Variants in TCERG1L observed in about 807,000 individuals in gnomAD.
TCERG1L encodes transcription elongation regulator 1-like protein.
Under a neutral mutation model 56.3 loss-of-function variants are expected in TCERG1L, and 37 were observed. The ratio of observed to expected loss-of-function variants is 0.66; its 90% CI spans 0.51 to 0.87. The LOEUF (loss-of-function observed/expected upper bound fraction) is 0.87. TCERG1L is among the 40% of genes least tolerant of loss of function. TCERG1L has a pLI of 0.00. For synonymous variants in TCERG1L, 324 were observed against 326.3 expected (o/e 0.99, Z 0.08); for missense variants, 799 against 774.2 (o/e 1.03, Z -0.38).
intron 4 of TCERG1L, among the ~76,000 whole-genome samples, chr10:131,208,989 T>G (rs1019011869): frequency 7.1e-6 from 1 of 140,826 alleles, no homozygotes; most frequent in Non-Finnish European, 1.5e-5. Context: ...ACCCGGGAGG[T>G]GGAGGTTGCA....
At chr10:131,139,887 T>C (rs1014623657) in intron 7 of TCERG1L, among the ~76,000 whole-genome samples, 2 of 152,176 alleles carry the variant, frequency 1.3e-5, no homozygotes, top group African/African-American at 2.4e-5. Flanking sequence ...TGTGTGTGTG[T>C]CTGAGTGTGT....
chr10:131,177,088 TCACAGACACATGCACA>T (rs1185741996), intron 4 of TCERG1L, among the ~76,000 whole-genome samples: 1 of 34,506 alleles, frequency 2.9e-5, no homozygotes, highest in African/African-American at 9.9e-5. Context: ...ACACACGTAC[TCACAGACACATGCACA>T]CACAGACACG....
At chr10:131,257,042 AAAGAAAG>A (rs1285646260) in intron 4 of TCERG1L, among the ~76,000 whole-genome samples, 96 of 142,992 alleles carry the variant, frequency 6.7e-4, no homozygotes, top group African/African-American at 1.2e-3. Context: ...AGAAAGAAAG[AAAGAAAG>A]AAAGAAAAGA....
intron 3 of TCERG1L, among the ~76,000 whole-genome samples, chr10:131,272,534 G>A (rs1846350957): frequency 1.3e-5 from 2 of 152,146 alleles, no homozygotes; most frequent in South Asian, 4.1e-4. Context: ...GCTGGGTGGT[G>A]GAGTCCCCAA....
intron 4 of TCERG1L, among the ~76,000 whole-genome samples, chr10:131,221,623 G>A (rs1348430741): frequency 6.6e-6 from 1 of 152,226 alleles, no homozygotes; most frequent in Non-Finnish European, 1.5e-5. Flanking sequence ...AACTGCATGT[G>A]TTATCGCCGT....
chr10:131,156,462 AAAATAC>A (rs2133424556), intron 6 of TCERG1L, among the ~76,000 whole-genome samples: 1 of 152,290 alleles, frequency 6.6e-6, no homozygotes, highest in Admixed American at 6.5e-5. Flanking sequence ...CTGGGATTTG[AAAATAC>A]AAAACAGCCC....
chr10:131,215,538 C>A (rs1845661659), intron 4 of TCERG1L, among the ~76,000 whole-genome samples: 1 of 152,206 alleles, frequency 6.6e-6, no homozygotes. Flanking sequence ...GAGACCTGAT[C>A]TGCACCCGGC....
chr10:131,168,513 G>A (rs897289701), intron 4 of TCERG1L, among the ~76,000 whole-genome samples: 12 of 152,302 alleles, frequency 7.9e-5, no homozygotes, highest in East Asian at 3.9e-4. Context: ...TTTCAGGTGC[G>A]GAGCAGCAAC....
intron 4 of TCERG1L, among the ~76,000 whole-genome samples, chr10:131,248,831 C>T (rs2133530221): frequency 6.6e-6 from 1 of 152,294 alleles, no homozygotes; most frequent in East Asian, 1.9e-4. Flanking sequence ...CTGCTCCCAT[C>T]ACAGCCCCCC....
At chr10:131,242,364 A>C (rs1845983301) in intron 4 of TCERG1L, among the ~76,000 whole-genome samples, 1 of 152,206 alleles carries the variant, frequency 6.6e-6, no homozygotes, top group Non-Finnish European at 1.5e-5. Context: ...GGCAATGTGT[A>C]AGAGAAAGAA....
rs1244564567 is a variant in TCERG1L, at chr10:131,100,930, C to A, written c.1486-2506G>T. Among the ~76,000 whole-genome samples, 4 of 152,342 alleles carry A rather than the reference C, an allele frequency of 2.6e-5. No homozygotes were observed. The East Asian group carries it at 7.7e-4, about 29-fold the overall frequency. Reference sequence around the variant, plus strand: ...CACTTCTTCTGAGCGCTCTCTGGACCCTCCAGTGCACTGGCTATGGCGTGG... The same window carrying A: ...CACTTCTTCTGAGCGCTCTCTGGACACTCCAGTGCACTGGCTATGGCGTGG... On this transcript the variant is annotated intron_variant, in intron 10 of 11. Transcript: ENST00000368642.
chr10:131,295,704 A>G (rs936377711), intron 3 of TCERG1L, among the ~76,000 whole-genome samples: 42 of 152,308 alleles, frequency 2.8e-4, no homozygotes, highest in African/African-American at 9.9e-4. Flanking sequence ...CATCTCGAAC[A>G]TTTACCATTT....
At position 131,249,407 on chromosome 10, in the gene TCERG1L, T is replaced by C. The variant is rs898757961; in HGVS notation, c.856+10852A>G. On this transcript the variant is annotated intron_variant, in intron 4 of 11. Coordinates refer to ENST00000368642, the MANE Select transcript of TCERG1L (RefSeq NM_174937.4). ...ATAGGGGCTTCCACAGCCCTGACAA[T>C]GGCTCCACCCGGCTACCCCAGCGTA... Among the ~76,000 whole-genome samples the C allele has an allele frequency of 5.3e-5, 8 of 151,400 alleles. No individual in the cohort carries two copies. In the South Asian group the frequency reaches 1.5e-3, roughly 28 times the overall value.
chr10:131,100,015 C>T (rs1214489132), intron 10 of TCERG1L, among the ~76,000 whole-genome samples: 4 of 152,078 alleles, frequency 2.6e-5, no homozygotes, highest in South Asian at 2.1e-4. Flanking sequence ...AGGTGTGTGC[C>T]GCCACGCCCA....
chr10:131,246,764 G>A (rs1846044354), intron 4 of TCERG1L, among the ~76,000 whole-genome samples: 1 of 152,192 alleles, frequency 6.6e-6, no homozygotes, highest in Non-Finnish European at 1.5e-5. Flanking sequence ...CCAGCCTTGA[G>A]GCTGGGCCAT....
At chr10:131,225,673 A>G (rs1222075740) in intron 4 of TCERG1L, among the ~76,000 whole-genome samples, 1 of 152,136 alleles carries the variant, frequency 6.6e-6, no homozygotes. Flanking sequence ...CACAGACCAC[A>G]TGGAACGCAG....
chr10:131,216,729 T>C (rs1280988521), intron 4 of TCERG1L, among the ~76,000 whole-genome samples: 2 of 152,064 alleles, frequency 1.3e-5, no homozygotes, highest in African/African-American at 4.8e-5. Context: ...AGTGGGCAAA[T>C]AGATATTGGT....
At chr10:131,166,975 G>T in intron 4 of TCERG1L, 90 bp from the exon 5 acceptor site, 2 of 1,156,050 alleles carry the variant, frequency 1.7e-6, no homozygotes, top group Non-Finnish European at 2.5e-6. Flanking sequence ...TGGCCCTGAA[G>T]ATTAGAATTG....
intron 10 of TCERG1L, among the ~76,000 whole-genome samples, chr10:131,101,121 C>A (rs1054778888): frequency 1.3e-5 from 2 of 152,236 alleles, no homozygotes; most frequent in Non-Finnish European, 2.9e-5. Context: ...TTGCAGAGGA[C>A]CAGCCCAGGC....
Sources: allele counts gnomAD v4.1 joint callset (sites outside exome capture counted in the v4.1 genomes callset), GRCh38; gene constraint gnomAD v4.1.1; transcripts MANE v1.5; gene names NCBI Gene and HGNC (gene_info 2026-07-23, HGNC 2026-07-21).